Variants in MUTYH observed in about 807,000 individuals in gnomAD.
MUTYH encodes the protein adenine DNA glycosylase.
In MUTYH, 64 loss-of-function variants were observed where a neutral mutation model predicts 72.9. The observed-to-expected ratio is 0.88, with a 90% CI of 0.72 to 1.08. The LOEUF is 1.08. Among genes scored for constraint, MUTYH ranks in the 50% least tolerant of loss-of-function variants. The probability of loss-of-function intolerance (pLI) is 0.00; values close to 1 mark genes in which losing one functional copy is unlikely to be tolerated. For synonymous variants in MUTYH, 234 were observed against 263.1 expected (o/e 0.89, Z 1.07); for missense variants, 633 against 671.0 (o/e 0.94, Z 0.63).
Position 45,332,169 on chromosome 1 carries a change from C to G in MUTYH, c.846G>C (p.Gln282His), listed in dbSNP as rs1064793522. ...CPVESLCRAR[Q>H]RVEQEQLLAS... ...GCCCCTTCCCCAGTAGGCTTACTCT[C>G]TGGCGTGCCCGGCACAGGCTCTCCA... is the stretch of plus-strand genomic sequence containing the variant. Residue 282 changes from glutamine to histidine, a missense_variant, in exon 10 of 16, where the codon CAG becomes CAC. Gln to His is a conservative substitution (Grantham distance 24). Transcript: ENST00000456914. The G allele has an allele frequency of 2.5e-6, 4 of 1,614,212 alleles. No homozygotes were observed. The highest frequency in any genetic ancestry group is 3.4e-6 in the Non-Finnish European group (4 of 1,180,032).
rs1361354427 is a variant in MUTYH, at chr1:45,332,772, T to G, written c.483A>C (p.Gly161=). The G allele has an allele frequency of 5.6e-6, 9 of 1,613,814 alleles. No homozygotes were observed. The highest frequency in any genetic ancestry group is 2.7e-5 in the African/African-American group (2 of 74,814). Residue 161 remains glycine (G), a synonymous_variant, in exon 7 of 16, where the codon GGA becomes GGC. Coordinates refer to ENST00000456914, the MANE Select transcript of MUTYH (RefSeq NM_001048174.2). Reference sequence around the variant, plus strand: ...CCTGCCATCCCCTTACCTTCCGAGCTCCCTCCTGCAGCCGCCGGCCACGAG... The same window carrying G: ...CCTGCCATCCCCTTACCTTCCGAGCGCCCTCCTGCAGCCGCCGGCCACGAG... The part of the protein sequence containing the change: ...YYSRGRRLQE[G]ARKVVEELGG...
At chr1:45,340,140 CG>C, upstream of MUTYH, 2 of 1,579,764 alleles carry the variant, frequency 1.3e-6, no homozygotes, top group Non-Finnish European at 8.6e-7. Context: ...TTCGACCCAT[CG>C]GCGACCCGAC....
chr1:45,337,296 A>T (rs1368450025), intron 1 of MUTYH, among the ~76,000 whole-genome samples: 2 of 147,564 alleles, frequency 1.4e-5, no homozygotes, highest in Non-Finnish European at 3.0e-5. Flanking sequence ...CTGGGACCAC[A>T]GGCGCACACC....
At position 45,329,729 on chromosome 1, in the gene MUTYH, C is replaced by T. The variant is rs1049699798; in HGVS notation, c.1435-292G>A. ...TGACTGACCCAGCAGGCCCTGCTGA[C>T]CTTTCCAGCTAAACCAACTGCTCAC... On this transcript the variant is annotated intron_variant, in intron 15 of 15. Transcript: ENST00000456914. 3.3e-5 allele frequency among the ~76,000 whole-genome samples: 5 copies of T among 152,178 alleles called. No homozygotes were observed. In the East Asian group the frequency reaches 5.8e-4, roughly 18 times the overall value.
At chr1:45,331,932 G>A in intron 11 of MUTYH, 83 bp from the exon 12 acceptor site, 1 of 1,612,112 alleles carries the variant, frequency 6.2e-7, no homozygotes, top group Admixed American at 1.7e-5. Context: ...GCCGGGTTCT[G>A]CAGAATCTTA....
intron 15 of MUTYH, 25 bp downstream of exon 15, chr1:45,330,491 G>C: frequency 6.2e-7 from 1 of 1,604,478 alleles, no homozygotes; most frequent in Non-Finnish European, 8.5e-7. Context: ...GGGAGACACG[G>C]TTGGGAGAGG....
chr1:45,334,439 G>A lies in MUTYH; in HGVS notation c.67C>T (p.Gln23Ter). The change falls in exon 2 of 16, where the codon CAG (glutamine) becomes TAG (stop). Residue 23 changes from glutamine to a stop codon, truncating the protein, a stop_gained. Transcript: ENST00000456914. LOFTEE classifies it high-confidence loss of function. ...RKQAASQEGR[Q>*]KHAKNNSQAK... ...TGACTGTTGTTCTTAGCATGCTTCT[G>A]CCTCCCTTCCTGGCTGGCTGCCTGC... 1 of 1,614,118 alleles carries A rather than the reference G, an allele frequency of 6.2e-7. No homozygotes were observed. Among genetic ancestry groups the A allele is most frequent in the East Asian group, 2.2e-5 (1 of 44,890 alleles).
intron 8 of MUTYH, 28 bp downstream of exon 8, chr1:45,332,546 A>C (rs771770667): frequency 1.2e-6 from 2 of 1,613,898 alleles, no homozygotes; most frequent in Non-Finnish European, 1.7e-6. Flanking sequence ...CTGGGCACGC[A>C]CAAAGTGGGG....
At chr1:45,336,442 C>G (rs1045667981) in intron 1 of MUTYH, among the ~76,000 whole-genome samples, 1 of 152,208 alleles carries the variant, frequency 6.6e-6, no homozygotes, top group Admixed American at 6.5e-5. Context: ...TGAAGATCTA[C>G]AAAAGAAGTG....
chr1:45,332,223 TG>T lies in MUTYH; in HGVS notation c.791del (p.Pro264HisfsTer27). 1 of 1,614,172 alleles carries T rather than the reference TG, an allele frequency of 6.2e-7. No homozygotes were observed. Among genetic ancestry groups the T allele is most frequent in the Non-Finnish European group, 8.5e-7 (1 of 1,180,004 alleles). On this transcript the variant is annotated frameshift_variant, in exon 10 of 16. Coordinates refer to ENST00000456914, the MANE Select transcript of MUTYH (RefSeq NM_001048174.2). LOFTEE classifies it high-confidence loss of function. ...AMELGATVCTPQRPLCSQCPV... is the reference protein window; with the variant it reads ...AMELGATVCTXQRPLCSQCPV... ...GGCACTGGCTGCACAGTGGGCGCTG[TG>T]GGGTACACACTGTGGCCCCTAGCTC... is the stretch of plus-strand genomic sequence containing the variant.
intron 11 of MUTYH, 66 bp from the exon 12 acceptor site, chr1:45,331,915 G>A: frequency 6.2e-7 from 1 of 1,610,384 alleles, no homozygotes; most frequent in Non-Finnish European, 8.5e-7. Context: ...CTAGAGAGTG[G>A]GCTTTGGCCG....
chr1:45,329,494 C>T (rs2149091552), intron 15 of MUTYH, 57 bp from the exon 16 acceptor site: 2 of 1,602,588 alleles, frequency 1.2e-6, no homozygotes, highest in Non-Finnish European at 1.7e-6. Flanking sequence ...AGCAGAGAAT[C>T]CTCTCCTTGT....
chr1:45,330,708 G>T, intron 14 of MUTYH, 151 bp from the exon 15 acceptor site: 1 of 973,518 alleles, frequency 1.0e-6, no homozygotes, highest in Non-Finnish European at 1.6e-6. Context: ...CCAGCATTTT[G>T]GGAGGCCAAG....
chr1:45,334,107 A>G (rs1645488930), intron 2 of MUTYH: 1 of 421,516 alleles, frequency 2.4e-6, no homozygotes, highest in Non-Finnish European at 4.5e-6. Flanking sequence ...TCCAGGCTCA[A>G]GCGATCCTGT....
chr1:45,335,494 G>A (rs1476947650), intron 1 of MUTYH, among the ~76,000 whole-genome samples: 1 of 150,990 alleles, frequency 6.6e-6, no homozygotes, highest in African/African-American at 2.4e-5. Flanking sequence ...ACCTCCATTT[G>A]CACTGTCTTA....
chr1:45,331,928 T>C (rs759956939), intron 11 of MUTYH, 79 bp from the exon 12 acceptor site: 1 of 1,611,448 alleles, frequency 6.2e-7, no homozygotes, highest in Non-Finnish European at 8.5e-7. Context: ...TTTGGCCGGG[T>C]TCTGCAGAAT....
chr1:45,337,168 G>A (rs1487063564), intron 1 of MUTYH, among the ~76,000 whole-genome samples: 1 of 149,582 alleles, frequency 6.7e-6, no homozygotes, highest in Admixed American at 6.6e-5. Flanking sequence ...TTTTGGGATG[G>A]GGTCTCACTC....
Position 45,331,517 on chromosome 1 carries a change from C to G in MUTYH, c.1142G>C (p.Trp381Ser). Residue 381 changes from tryptophan to serine, a missense_variant, in exon 13 of 16, where the codon TGG (tryptophan) becomes TCG (serine). Coordinates refer to ENST00000456914, the MANE Select transcript of MUTYH (RefSeq NM_001048174.2). ...GCGCTGAAGCTGCTCTGAGGGCTCC[C>G]AGGTCACGGACGGGAACTCCCACAG... ...AGLWEFPSVT[W>S]EPSEQLQRKA... 6.2e-7 allele frequency: 1 copy of G among 1,614,128 alleles called. No individual in the cohort carries two copies. Among genetic ancestry groups the G allele is most frequent in the East Asian group, 2.2e-5 (1 of 44,884 alleles).
intron 1 of MUTYH, among the ~76,000 whole-genome samples, chr1:45,335,129 C>T (rs897163935): frequency 6.6e-6 from 1 of 152,118 alleles, no homozygotes; most frequent in African/African-American, 2.4e-5. Flanking sequence ...TCACTGCTCC[C>T]TAACTGTTAT....
Sources: gnomAD v4.1 joint callset for allele counts (sites outside exome capture counted in the v4.1 genomes callset) on GRCh38, gnomAD v4.1.1 for gene constraint, MANE v1.5 for transcripts, NCBI Gene and HGNC (gene_info 2026-07-23, HGNC 2026-07-21) for gene names.